Variants in ATF6 observed in about 807,000 individuals in gnomAD.
ATF6 encodes cyclic AMP-dependent transcription factor ATF-6 alpha.
Under a neutral mutation model 83.6 loss-of-function variants are expected in ATF6, and 53 were observed. The ratio of observed to expected loss-of-function variants is 0.63; its 90% CI spans 0.51 to 0.80. The LOEUF (loss-of-function observed/expected upper bound fraction) is 0.80, where lower values mean the gene tolerates loss of function less well. Among genes scored for constraint, ATF6 ranks in the 30% least tolerant of loss-of-function variants. ATF6 has a pLI of 0.00. For missense variants in ATF6, 744 were observed against 797.9 expected, an observed-to-expected ratio of 0.93 and a Z score of 0.81; for synonymous variants, 288 against 285.8, an observed-to-expected ratio of 1.01 and a Z score of -0.08.
intron 14 of ATF6, among the ~76,000 whole-genome samples, chr1:161,896,991 A>G (rs1175544298): frequency 3.3e-5 from 5 of 152,216 alleles, no homozygotes; most frequent in Non-Finnish European, 5.9e-5. Flanking sequence ...ATTACATTAG[A>G]AGAGAGTTCT....
intron 15 of ATF6, among the ~76,000 whole-genome samples, chr1:161,940,559 CTT>C (rs71301060): frequency 8.4e-6 from 1 of 118,410 alleles, no homozygotes. Context: ...TCCTTCAGAT[CTT>C]TTTTTTTTTT....
At chr1:161,793,642 G>A (rs1367845908) in intron 6 of ATF6, among the ~76,000 whole-genome samples, 2 of 152,100 alleles carry the variant, frequency 1.3e-5, no homozygotes, top group Non-Finnish European at 2.9e-5. Flanking sequence ...ATTAAAATAC[G>A]TCTATACAAA....
intron 9 of ATF6, among the ~76,000 whole-genome samples, chr1:161,844,786 T>C (rs1165741941): frequency 1.3e-5 from 2 of 152,168 alleles, no homozygotes; most frequent in East Asian, 3.8e-4. Context: ...CACTCTTCAT[T>C]TGACTTCCCT....
At chr1:161,889,500 A>G (rs1687504194) in intron 14 of ATF6, among the ~76,000 whole-genome samples, 1 of 152,246 alleles carries the variant, frequency 6.6e-6, no homozygotes, top group African/African-American at 2.4e-5. Context: ...TCTTGTTCAC[A>G]CTTTCTTCTG....
chr1:161,839,707 C>T (rs530629167), intron 9 of ATF6, among the ~76,000 whole-genome samples: 1 of 152,226 alleles, frequency 6.6e-6, no homozygotes, highest in Admixed American at 6.5e-5. Flanking sequence ...CACTGTAAGG[C>T]AGGTGTTTGA....
At chr1:161,925,285 C>A (rs916807389) in intron 15 of ATF6, among the ~76,000 whole-genome samples, 1 of 152,182 alleles carries the variant, frequency 6.6e-6, no homozygotes, top group Non-Finnish European at 1.5e-5. Flanking sequence ...TAGTGTATTT[C>A]TATTGGTGAA....
At chr1:161,940,173 C>T (rs4657125) in intron 15 of ATF6, among the ~76,000 whole-genome samples, 95,827 of 152,106 alleles carry the variant, frequency 0.63, 31,986 homozygotes, top group Non-Finnish European at 0.75. Flanking sequence ...CTTTCATCCA[C>T]TTTTGATCCA....
intron 7 of ATF6, among the ~76,000 whole-genome samples, chr1:161,806,403 T>G (rs1005023640): frequency 1.3e-5 from 2 of 152,224 alleles, no homozygotes; most frequent in African/African-American, 4.8e-5. Context: ...TTACATTGTT[T>G]TAGTTATTGG....
chr1:161,786,686 CG>C (rs1684755309), intron 4 of ATF6, among the ~76,000 whole-genome samples: 1 of 152,030 alleles, frequency 6.6e-6, no homozygotes. Context: ...GTTACCAGTC[CG>C]ATGCCCCTAT....
chr1:161,801,617 G>T (rs554901491), intron 6 of ATF6, among the ~76,000 whole-genome samples: 2 of 152,010 alleles, frequency 1.3e-5, no homozygotes, highest in East Asian at 1.9e-4. Flanking sequence ...TTTATGTTCA[G>T]ATATTTTTGG....
At chr1:161,869,130 G>T (rs749855750) in intron 14 of ATF6, among the ~76,000 whole-genome samples, 2 of 151,946 alleles carry the variant, frequency 1.3e-5, no homozygotes, top group East Asian at 1.9e-4. Context: ...TTTGCCAGAG[G>T]TTTAGTCCCA....
chr1:161,834,204 G>A (rs1030329075), intron 9 of ATF6, among the ~76,000 whole-genome samples: 3 of 152,108 alleles, frequency 2.0e-5, no homozygotes, highest in African/African-American at 7.2e-5. Flanking sequence ...ACAAGCAAAT[G>A]CTGAGAGATT....
intron 14 of ATF6, among the ~76,000 whole-genome samples, chr1:161,908,826 T>A (rs1687928429): frequency 6.6e-6 from 1 of 152,204 alleles, no homozygotes; most frequent in African/African-American, 2.4e-5. Flanking sequence ...ACAATTTAAT[T>A]GGAGGGAAAG....
At chr1:161,872,501 A>C (rs1204427480) in intron 14 of ATF6, among the ~76,000 whole-genome samples, 4 of 151,650 alleles carry the variant, frequency 2.6e-5, no homozygotes, top group African/African-American at 9.7e-5. Flanking sequence ...GAGGAACAAG[A>C]GCCAGCAGGG....
chr1:161,860,436 A>G (rs1048173164), intron 13 of ATF6, among the ~76,000 whole-genome samples, 159 bp downstream of exon 13: 3 of 150,498 alleles, frequency 2.0e-5, no homozygotes, highest in Non-Finnish European at 4.4e-5. Context: ...ATATATATAT[A>G]TAACATACTA....
intron 15 of ATF6, among the ~76,000 whole-genome samples, chr1:161,952,005 A>T (rs1688873003): frequency 6.6e-6 from 1 of 152,192 alleles, no homozygotes; most frequent in Non-Finnish European, 1.5e-5. Context: ...TGTTGAATGA[A>T]TTAGTGAAGG....
chr1:161,854,618 T>A (rs544363847), intron 12 of ATF6, among the ~76,000 whole-genome samples: 4 of 152,188 alleles, frequency 2.6e-5, no homozygotes, highest in Admixed American at 6.5e-5. Flanking sequence ...ACGCCTGTAA[T>A]CCCAGCACTT....
At chr1:161,806,249 T>C (rs965444220) in intron 7 of ATF6, among the ~76,000 whole-genome samples, 2 of 152,224 alleles carry the variant, frequency 1.3e-5, no homozygotes, top group Non-Finnish European at 2.9e-5. Context: ...TTTAAAGGGC[T>C]ATTTAGTGTT....
rs147523994 is a variant in ATF6 at position 161,829,800 on chromosome 1, T to C, written c.1187+8639T>C. Reference sequence around the variant, plus strand: ...CAATAAACTAGGTATTGATGGAACATATCTCAAAATAAAAGAGCTATTTAT... The same window carrying C: ...CAATAAACTAGGTATTGATGGAACACATCTCAAAATAAAAGAGCTATTTAT... On this transcript the variant is annotated intron_variant, in intron 9 of 15. Coordinates refer to ENST00000367942, the MANE Select transcript of ATF6 (RefSeq NM_007348.4). Among the ~76,000 whole-genome samples the C allele has an allele frequency of 3.3e-3, 507 of 152,322 alleles. 2 individuals are homozygous for C. Among genetic ancestry groups the C allele is most frequent in the African/African-American group, 0.012 (483 of 41,556 alleles).
Sources: gnomAD v4.1 joint callset for allele counts (sites outside exome capture counted in the v4.1 genomes callset) on GRCh38, gnomAD v4.1.1 for gene constraint, MANE v1.5 for transcripts, NCBI Gene and HGNC (gene_info 2026-07-23, HGNC 2026-07-21) for gene names.